Variants in GALNT13 observed in about 807,000 individuals in gnomAD.
GALNT13 encodes the protein UDP-GalNAc:polypeptide N-acetylgalactosaminyltransferase 13.
In GALNT13, 28 loss-of-function variants were observed where a neutral mutation model predicts 64.2. That is an observed-to-expected ratio of 0.44 (90% CI 0.32 to 0.60). GALNT13 has a LOEUF of 0.60. Among genes scored for constraint, GALNT13 ranks in the 20% least tolerant of loss-of-function variants. GALNT13 has a pLI of 0.05. For synonymous variants in GALNT13, 214 were observed against 224.6 expected (o/e 0.95, Z 0.42); for missense variants, 577 against 669.8 (o/e 0.86, Z 1.53).
intron 3 of GALNT13, among the ~76,000 whole-genome samples, chr2:154,018,830 G>T (rs1697216885): frequency 1.3e-5 from 2 of 151,590 alleles, no homozygotes; most frequent in South Asian, 2.1e-4. Flanking sequence ...ATGGAAGATG[G>T]TAGAAAGGAT....
the GALNT13 span, among the ~76,000 whole-genome samples, chr2:153,229,185 T>A: frequency 6.6e-6 from 1 of 152,186 alleles, no homozygotes; most frequent in East Asian, 1.9e-4. Context: ...GAAGCTTCAA[T>A]TTGAGAATTT....
the GALNT13 span, among the ~76,000 whole-genome samples, chr2:153,275,249 G>C: frequency 6.6e-6 from 1 of 152,170 alleles, no homozygotes; most frequent in Non-Finnish European, 1.5e-5. Flanking sequence ...ATAGTCAACT[G>C]TTTTCTCCAG....
At chr2:153,189,650 T>A in the GALNT13 span, among the ~76,000 whole-genome samples, 3 of 152,132 alleles carry the variant, frequency 2.0e-5, no homozygotes, top group Non-Finnish European at 4.4e-5. Flanking sequence ...GGTGGTTCTA[T>A]TTTTAGTTTT....
chr2:154,047,965 A>G (rs144577665), intron 3 of GALNT13, among the ~76,000 whole-genome samples: 84 of 152,314 alleles, frequency 5.5e-4, no homozygotes, highest in East Asian at 4.6e-3. Flanking sequence ...TCACATTGCT[A>G]TAAAGAAATG....
the GALNT13 span, among the ~76,000 whole-genome samples, chr2:153,130,036 C>G: frequency 2.0e-5 from 3 of 152,142 alleles, no homozygotes; most frequent in Admixed American, 6.5e-5. Flanking sequence ...GGGCCCACAG[C>G]CTTTGAGTCC....
chr2:153,970,206 C>T (rs1407872597), intron 3 of GALNT13, among the ~76,000 whole-genome samples: 4 of 152,170 alleles, frequency 2.6e-5, no homozygotes, highest in Non-Finnish European at 5.9e-5. Context: ...TTCTTTTCAC[C>T]ATGACTTCAT....
the GALNT13 span, among the ~76,000 whole-genome samples, chr2:153,559,666 A>G: frequency 1.3e-5 from 2 of 152,028 alleles, no homozygotes; most frequent in African/African-American, 4.8e-5. Flanking sequence ...CCTTCCATTA[A>G]GAGATTTTTA....
At chr2:154,411,518 C>A (rs1574257818) in intron 11 of GALNT13, among the ~76,000 whole-genome samples, 1 of 151,652 alleles carries the variant, frequency 6.6e-6, no homozygotes, top group South Asian at 2.1e-4. Context: ...GTCACTAGAA[C>A]TTCAAAAGAG....
chr2:153,425,565 G>C, the GALNT13 span, among the ~76,000 whole-genome samples: 1 of 151,626 alleles, frequency 6.6e-6, no homozygotes, highest in African/African-American at 2.4e-5. Context: ...ATGAAATCTT[G>C]TTCTCCTATT....
chr2:154,140,469 C>T lies in GALNT13; in HGVS notation c.275C>T (p.Ala92Val), dbSNP rs1188584415. ...AACCTTATGGCCAGTGATTTGATTG[C>T]CCTTAATAGAAGTCTGCCAGATGTA... ...QFNLMASDLI[A>V]LNRSLPDVRL... is the part of the protein sequence containing the mutation. Residue 92 changes from alanine (A) to valine (V), a missense_variant, in exon 4 of 13, where the codon GCC becomes GTC. Ala to Val is a moderately conservative substitution (Grantham distance 64). Transcript: ENST00000392825. 6.2e-7 allele frequency: 1 copy of T among 1,611,394 alleles called. No homozygotes were observed. Among genetic ancestry groups the T allele is most frequent in the Non-Finnish European group, 8.5e-7 (1 of 1,178,274 alleles).
At chr2:153,082,612 TATATATACACACACACACACACAC>T in the GALNT13 span, among the ~76,000 whole-genome samples, 97 of 38,754 alleles carry the variant, frequency 2.5e-3, 1 homozygote, top group Non-Finnish European at 3.7e-3. Context: ...TATATATATA[TATATATACACACACACACACACAC>T]ACACACACAC....
At chr2:153,283,995 G>T in the GALNT13 span, among the ~76,000 whole-genome samples, 1 of 151,930 alleles carries the variant, frequency 6.6e-6, no homozygotes, top group Non-Finnish European at 1.5e-5. Flanking sequence ...TGGGGTGGCT[G>T]CGAATGCTCT....
chr2:153,525,941 G>A, the GALNT13 span, among the ~76,000 whole-genome samples: 1 of 152,360 alleles, frequency 6.6e-6, no homozygotes, highest in East Asian at 1.9e-4. Context: ...CTGTGGTGGT[G>A]GAAGCCGCAG....
At chr2:153,602,422 G>A in the GALNT13 span, among the ~76,000 whole-genome samples, 1 of 151,570 alleles carries the variant, frequency 6.6e-6, no homozygotes, top group African/African-American at 2.4e-5. Flanking sequence ...TAGTTTGGTG[G>A]GTAGGGGGGC....
At chr2:154,080,993 C>A (rs899337570) in intron 3 of GALNT13, among the ~76,000 whole-genome samples, 1 of 151,458 alleles carries the variant, frequency 6.6e-6, no homozygotes, top group African/African-American at 2.4e-5. Context: ...GTTGCATAGT[C>A]ACACTGAAAC....
chr2:153,443,607 T>A, the GALNT13 span, among the ~76,000 whole-genome samples: 2 of 152,196 alleles, frequency 1.3e-5, no homozygotes, highest in Admixed American at 6.5e-5. Flanking sequence ...TTATCTTCTA[T>A]CCTTAGGATC....
At chr2:153,935,864 T>C (rs1403051846) in intron 2 of GALNT13, among the ~76,000 whole-genome samples, 4 of 152,208 alleles carry the variant, frequency 2.6e-5, no homozygotes, top group African/African-American at 4.8e-5. Flanking sequence ...CTTCCCCAGA[T>C]GTCAGTTATT....
At chr2:154,023,486 A>T (rs556555574) in intron 3 of GALNT13, among the ~76,000 whole-genome samples, 2 of 152,134 alleles carry the variant, frequency 1.3e-5, no homozygotes, top group Non-Finnish European at 2.9e-5. Context: ...GTTGGTTTAA[A>T]GTCTGTTTTA....
At chr2:153,342,569 A>T in the GALNT13 span, among the ~76,000 whole-genome samples, 1 of 152,344 alleles carries the variant, frequency 6.6e-6, no homozygotes, top group South Asian at 2.1e-4. Context: ...TATCAAACAC[A>T]TTACAATTTG....
Sources: gnomAD v4.1 joint callset for allele counts (sites outside exome capture counted in the v4.1 genomes callset) on GRCh38, gnomAD v4.1.1 for gene constraint, MANE v1.5 for transcripts, NCBI Gene and HGNC (gene_info 2026-07-23, HGNC 2026-07-21) for gene names.